The following CEP128 variants were observed in gnomAD, a reference collection of about 807,000 sequenced individuals.
CEP128 encodes the protein centrosomal protein 128kDa.
A neutral mutation model predicts 156.7 loss-of-function variants in CEP128; 132 were observed. The observed-to-expected ratio is 0.84, with a 90% CI of 0.73 to 0.97. The LOEUF (loss-of-function observed/expected upper bound fraction) is 0.97, where lower values mean the gene tolerates loss of function less well. CEP128 is among the 50% of genes least tolerant of loss of function. CEP128 has a pLI of 0.00. For synonymous variants in CEP128, 469 were observed against 448.9 expected (o/e 1.04, Z -0.57); for missense variants, 1,252 against 1,281.9 (o/e 0.98, Z 0.36).
At chr14:80,876,311 C>T (rs990055457) in intron 8 of CEP128, among the ~76,000 whole-genome samples, 1 of 151,682 alleles carries the variant, frequency 6.6e-6, no homozygotes, top group Non-Finnish European at 1.5e-5. Flanking sequence ...AAAAAAAAAG[C>T]ATCAGGCCGG....
At chr14:80,479,255 T>C (rs1251789339) in intron 14 of CEP128, among the ~76,000 whole-genome samples, 3 of 152,162 alleles carry the variant, frequency 2.0e-5, no homozygotes, top group African/African-American at 7.2e-5. Context: ...GGAGGGTGGA[T>C]TATGCAAGTA....
At chr14:80,945,037 T>A (rs1886307136), upstream of CEP128, among the ~76,000 whole-genome samples, 1 of 152,084 alleles carries the variant, frequency 6.6e-6, no homozygotes, top group Non-Finnish European at 1.5e-5. Flanking sequence ...GATGTATTAG[T>A]TTACTAGGGA....
chr14:80,765,970 T>C (rs1300953262), intron 16 of CEP128, among the ~76,000 whole-genome samples: 2 of 152,216 alleles, frequency 1.3e-5, no homozygotes, highest in African/African-American at 4.8e-5. Flanking sequence ...TGAGGACTAA[T>C]GTCCTAAAGT....
At chr14:80,487,264 C>A (rs1887187416), downstream of CEP128, among the ~76,000 whole-genome samples, 1 of 151,948 alleles carries the variant, frequency 6.6e-6, no homozygotes, top group African/African-American at 2.4e-5. Context: ...CAATAAAGAT[C>A]AAAAGAGACA....
intron 19 of CEP128, among the ~76,000 whole-genome samples, chr14:80,684,191 C>A (rs1377903429): frequency 6.6e-6 from 1 of 151,844 alleles, no homozygotes; most frequent in African/African-American, 2.4e-5. Context: ...ATCGGTAGAC[C>A]ACTAACTAGA....
intron 21 of CEP128, among the ~76,000 whole-genome samples, chr14:80,533,553 T>TTA (rs1166288751): frequency 6.6e-6 from 1 of 152,188 alleles, no homozygotes; most frequent in Non-Finnish European, 1.5e-5. Flanking sequence ...TTTTTGACAA[T>TTA]TATATGATGG....
At chr14:80,569,852 T>G (rs1891064652) in intron 20 of CEP128, among the ~76,000 whole-genome samples, 1 of 151,974 alleles carries the variant, frequency 6.6e-6, no homozygotes, top group African/African-American at 2.4e-5. Context: ...TACATCCCTA[T>G]GAAGAGGTAA....
intron 19 of CEP128, among the ~76,000 whole-genome samples, chr14:80,595,838 C>T (rs377347070): frequency 4.0e-4 from 61 of 152,182 alleles, no homozygotes; most frequent in Middle Eastern, 3.4e-3. Flanking sequence ...ACGTCTTACA[C>T]GGCAGCAGGC....
chr14:80,844,745 T>C (rs1886512966), intron 9 of CEP128, among the ~76,000 whole-genome samples: 2 of 152,134 alleles, frequency 1.3e-5, no homozygotes, highest in Admixed American at 6.6e-5. Flanking sequence ...CCTAGATGTG[T>C]TTTTTGTTTT....
At chr14:80,654,983 A>T (rs1895068211) in intron 19 of CEP128, among the ~76,000 whole-genome samples, 1 of 152,138 alleles carries the variant, frequency 6.6e-6, no homozygotes, top group East Asian at 1.9e-4. Flanking sequence ...TTCTCCAAGT[A>T]TCATAACTCT....
chr14:80,782,448 G>A (rs1901176084), intron 15 of CEP128, among the ~76,000 whole-genome samples: 1 of 152,048 alleles, frequency 6.6e-6, no homozygotes, highest in Admixed American at 6.5e-5. Flanking sequence ...TTAGCCACAT[G>A]GAAGTACTTT....
At chr14:80,498,209 G>A (rs1336234673) in intron 24 of CEP128, among the ~76,000 whole-genome samples, 1 of 152,056 alleles carries the variant, frequency 6.6e-6, no homozygotes, top group Admixed American at 6.6e-5. Context: ...TTCAGTTTAA[G>A]AGCGAGCTCT....
rs574334698 is a variant in CEP128, at chr14:80,895,210, A to G, written c.645+508T>C. On this transcript the variant is annotated intron_variant, in intron 8 of 24. Coordinates refer to ENST00000555265, the MANE Select transcript of CEP128 (RefSeq NM_152446.5). ...GTCAACAATATGACTTTGAGATAAT[A>G]AAGATTGGGAATTAGGAGTATTTTC... Among the ~76,000 whole-genome samples, 43 of 152,230 alleles carry G rather than the reference A, an allele frequency of 2.8e-4. No homozygotes were observed. The South Asian group carries it at 8.9e-3, about 32-fold the overall frequency.
chr14:80,523,034 G>A (rs1321437934), intron 23 of CEP128, among the ~76,000 whole-genome samples: 2 of 152,168 alleles, frequency 1.3e-5, no homozygotes, highest in Non-Finnish European at 2.9e-5. Context: ...ATTGCCACAG[G>A]AATAAACAGA....
chr14:80,562,244 C>G (rs1303783236), intron 20 of CEP128, among the ~76,000 whole-genome samples: 1 of 152,038 alleles, frequency 6.6e-6, no homozygotes, highest in African/African-American at 2.4e-5. Flanking sequence ...TGCCTATAAC[C>G]TACTCTATTC....
intron 24 of CEP128, among the ~76,000 whole-genome samples, chr14:80,502,956 A>G (rs1887804435): frequency 6.6e-6 from 1 of 152,120 alleles, no homozygotes; most frequent in Admixed American, 6.5e-5. Flanking sequence ...CTTATCAGAA[A>G]AGCAAATAAG....
intron 19 of CEP128, among the ~76,000 whole-genome samples, chr14:80,615,963 C>T (rs374582406): frequency 2.6e-5 from 4 of 152,212 alleles, no homozygotes; most frequent in Non-Finnish European, 4.4e-5. Context: ...TATATCAGCA[C>T]AGTCTGTGGC....
intron 19 of CEP128, among the ~76,000 whole-genome samples, chr14:80,716,709 T>A (rs1897620156): frequency 6.6e-6 from 1 of 152,244 alleles, no homozygotes; most frequent in Non-Finnish European, 1.5e-5. Context: ...GCTATGTACA[T>A]GCGTGTACGG....
chr14:80,721,826 G>A (rs547651871), intron 19 of CEP128, among the ~76,000 whole-genome samples: 9 of 151,352 alleles, frequency 5.9e-5, no homozygotes, highest in East Asian at 1.9e-4. Flanking sequence ...ATTTCAAAAC[G>A]TTGCTTAATA....
Sources: allele counts gnomAD v4.1 joint callset (sites outside exome capture counted in the v4.1 genomes callset), GRCh38; gene constraint gnomAD v4.1.1; transcripts MANE v1.5; gene names NCBI Gene and HGNC (gene_info 2026-07-23, HGNC 2026-07-21).